PIGF: variants seen among roughly 807,000 people sequenced by gnomAD.
The protein encoded by PIGF is phosphatidylinositol glycan anchor biosynthesis class F.
A neutral mutation model predicts 26.0 loss-of-function variants in PIGF; 23 were observed. The ratio of observed to expected loss-of-function variants is 0.88; its 90% confidence interval spans 0.64 to 1.25. The LOEUF is 1.25. Ranked by LOEUF, PIGF falls within the 50% of genes most tolerant of loss-of-function variation. The pLI is 0.00. For synonymous variants in PIGF, 93 were observed against 92.6 expected (o/e 1.00, Z -0.03); for missense variants, 278 against 249.9 (o/e 1.11, Z -0.76).
In PIGF at chr2:46,592,558, G is replaced by A. The variant is rs1471265309; in HGVS notation, c.463C>T (p.Leu155Phe). 1.3e-6 allele frequency: 2 copies of A among 1,599,540 alleles called. No homozygotes were observed. Among genetic ancestry groups the A allele is most frequent in the Non-Finnish European group, 1.7e-6 (2 of 1,166,704 alleles). The change falls in exon 5 of 6, where the codon CTC (leucine) becomes TTC (phenylalanine). Residue 155 changes from leucine (L) to phenylalanine (F), a missense_variant. Physicochemically the swap from Leu to Phe is conservative, Grantham distance 22 (BLOSUM62 0). Transcript: ENST00000281382. Reference protein sequence around the residue: ...NGVTSIWENSLQITTISSFVG... With the variant: ...NGVTSIWENSFQITTISSFVG... ...AAGCTAGAAATTGTAGTGATCTGGA[G>A]ACTATTCTCCCATATGGATGTAACT...
chr2:46,613,035 T>C lies in PIGF; in HGVS notation c.320+659A>G, dbSNP rs1261727365. Among the ~76,000 whole-genome samples, 5 of 139,486 alleles carry C rather than the reference T, an allele frequency of 3.6e-5. No individual in the cohort carries two copies. In the South Asian group the frequency reaches 9.1e-4, roughly 25 times the overall value. The allele number at this position is 139,486 out of a possible 152,430, so 91.5% of individuals were successfully genotyped here. ...TCAGTTTAGTGTGTGTACGTAAAAC[T>C]ATGTATAAATATATATATATATATA... is the stretch of plus-strand genomic sequence containing the variant. On this transcript the variant is annotated intron_variant, in intron 3 of 5. Transcript: ENST00000281382.
In PIGF at chr2:46,611,259, G is replaced by A. The variant is rs563966698; in HGVS notation, c.437+969C>T. 2.5e-3 allele frequency among the ~76,000 whole-genome samples: 375 copies of A among 152,126 alleles called. 2 individuals carry two copies. Among genetic ancestry groups the A allele is most frequent in the African/African-American group, 8.4e-3 (349 of 41,490 alleles). ...ATCCCAGCACTTTGGGAGGCGAGGC[G>A]GGCGGATCATGAGGTCGAGATCAAG... On this transcript the variant is annotated intron_variant, in intron 4 of 5. Coordinates refer to ENST00000281382, the MANE Select transcript of PIGF (RefSeq NM_002643.4).
At chr2:46,601,417 A>G (rs1166653089) in intron 4 of PIGF, among the ~76,000 whole-genome samples, 1 of 152,124 alleles carries the variant, frequency 6.6e-6, no homozygotes, top group Non-Finnish European at 1.5e-5. Flanking sequence ...CGTGCCAGAC[A>G]CTGTATCAGA....
intron 4 of PIGF, among the ~76,000 whole-genome samples, chr2:46,604,922 GATT>G (rs1413324715): frequency 6.6e-6 from 1 of 151,880 alleles, no homozygotes; most frequent in Non-Finnish European, 1.5e-5. Context: ...ACCCTGATGT[GATT>G]ATTATGCATT....
At chr2:46,584,947 CAG>C (rs1446701013) in intron 5 of PIGF, among the ~76,000 whole-genome samples, 1 of 152,120 alleles carries the variant, frequency 6.6e-6, no homozygotes, top group African/African-American at 2.4e-5. Context: ...ACTATGGCAA[CAG>C]AATTCATTTG....
In PIGF at chr2:46,588,873, A is replaced by G. The variant is rs999344821; in HGVS notation, c.546+3602T>C. ...TACTTACTTACACAGAACATATGCT[A>G]TGCATACAGTAATAACAACAAATAC... is the stretch of plus-strand genomic sequence containing the variant. On this transcript the variant is annotated intron_variant, in intron 5 of 5. Coordinates refer to ENST00000281382, the MANE Select transcript of PIGF (RefSeq NM_002643.4). This position sits in a 1 kb window ranked among gnomAD's most constrained non-coding sequence, Gnocchi z 4.1. Among the ~76,000 whole-genome samples the G allele has an allele frequency of 3.9e-5, 6 of 152,154 alleles. No individual in the cohort carries two copies. Among genetic ancestry groups the G allele is most frequent in the African/African-American group, 1.4e-4 (6 of 41,458 alleles).
intron 5 of PIGF, among the ~76,000 whole-genome samples, chr2:46,591,163 TAATA>T (rs1158510606): frequency 6.6e-6 from 1 of 152,216 alleles, no homozygotes; most frequent in East Asian, 1.9e-4. Flanking sequence ...AAATGTTCTT[TAATA>T]AAAAACTGGT....
intron 5 of PIGF, among the ~76,000 whole-genome samples, chr2:46,590,483 G>T (rs901899920): frequency 6.6e-6 from 1 of 151,572 alleles, no homozygotes; most frequent in Non-Finnish European, 1.5e-5. Flanking sequence ...TAAATTATGT[G>T]TAATATATCA....
In PIGF at chr2:46,615,047, G is replaced by A; in HGVS notation, c.118C>T (p.His40Tyr). 2 of 1,601,802 alleles carry A rather than the reference G, an allele frequency of 1.2e-6. No individual in the cohort carries two copies. The highest frequency in any genetic ancestry group is 1.3e-5 in the African/African-American group (1 of 74,776). Residue 40 changes from histidine to tyrosine, a missense_variant, in exon 2 of 6, where the codon CAC (histidine) becomes TAC (tyrosine). His to Tyr is a moderately conservative substitution (Grantham distance 83). Coordinates refer to ENST00000281382, the MANE Select transcript of PIGF (RefSeq NM_002643.4). ...FLENFSILET[H>Y]LTWLCICSGF... ...GAACAGATGCACAACCATGTCAAGTGTGTTTCCAATATTGAGAAGTTCTCC... is the reference window on the plus strand; with the variant it reads ...GAACAGATGCACAACCATGTCAAGTATGTTTCCAATATTGAGAAGTTCTCC...
chr2:46,613,027 C>T (rs925283486), intron 3 of PIGF, among the ~76,000 whole-genome samples: 13 of 144,820 alleles, frequency 9.0e-5, no homozygotes, highest in South Asian at 2.2e-4. Flanking sequence ...AGTGTGTGTA[C>T]GTAAAACTAT....
At chr2:46,616,292 G>A (rs960148954) in intron 1 of PIGF, 6 of 152,450 alleles carry the variant, frequency 3.9e-5, no homozygotes, top group Non-Finnish European at 5.9e-5. Context: ...AGGGACAAAG[G>A]GAAAGTTTCC....
chr2:46,606,952 A>G (rs1670241870), intron 4 of PIGF, among the ~76,000 whole-genome samples: 1 of 152,240 alleles, frequency 6.6e-6, no homozygotes, highest in Admixed American at 6.5e-5. Context: ...GAAGCATGCT[A>G]CAACATAGAT....
intron 4 of PIGF, among the ~76,000 whole-genome samples, chr2:46,603,706 C>A (rs886749853): frequency 1.1e-4 from 17 of 151,856 alleles, no homozygotes; most frequent in Middle Eastern, 3.4e-3. Flanking sequence ...AAAAATCAAA[C>A]CAAGATGGAT....
intron 4 of PIGF, among the ~76,000 whole-genome samples, chr2:46,608,611 T>C (rs906095312): frequency 6.6e-6 from 1 of 152,246 alleles, no homozygotes; most frequent in Non-Finnish European, 1.5e-5. Context: ...AATGTGTTTC[T>C]TAAGTAATAA....
At chr2:46,586,408 A>G (rs1669573821) in intron 5 of PIGF, among the ~76,000 whole-genome samples, 1 of 152,206 alleles carries the variant, frequency 6.6e-6, no homozygotes, top group Admixed American at 6.5e-5. Context: ...TTTTGGATAC[A>G]TTTTAGTATA....
chr2:46,610,979 T>C (rs1391216777), intron 4 of PIGF, among the ~76,000 whole-genome samples: 2 of 152,216 alleles, frequency 1.3e-5, no homozygotes, highest in Non-Finnish European at 2.9e-5. Context: ...TCCATTCTCC[T>C]TGCACGAGGT....
intron 5 of PIGF, among the ~76,000 whole-genome samples, chr2:46,585,230 T>C (rs2104061587): frequency 6.6e-6 from 1 of 152,312 alleles, no homozygotes; most frequent in East Asian, 1.9e-4. Flanking sequence ...GTAAAGGAAG[T>C]CATTCACAAG....
intron 5 of PIGF, 126 bp from the exon 6 acceptor site, chr2:46,581,717 A>G: frequency 1.5e-6 from 2 of 1,371,386 alleles, no homozygotes; most frequent in South Asian, 1.4e-5. Flanking sequence ...AAAGTGTAAT[A>G]AGGTCATAAC....
intron 3 of PIGF, among the ~76,000 whole-genome samples, chr2:46,613,444 T>C (rs537444606): frequency 1.3e-5 from 2 of 152,172 alleles, no homozygotes; most frequent in African/African-American, 2.4e-5. Flanking sequence ...TGGTATAGTA[T>C]AGTTTCTCTA....
Sources: gnomAD v4.1 joint callset for allele counts (sites outside exome capture counted in the v4.1 genomes callset) on GRCh38, gnomAD v4.1.1 for gene constraint, Gnocchi (gnomAD v3.1) non-coding constraint, MANE v1.5 for transcripts, NCBI Gene and HGNC (gene_info 2026-07-23, HGNC 2026-07-21) for gene names.